Variants in LSM5 observed in about 807,000 individuals in gnomAD.
LSM5 encodes LSM5 homolog, U6 small nuclear RNA and mRNA degradation associated.
In LSM5, 8 loss-of-function variants were observed where a neutral mutation model predicts 13.8. The observed-to-expected ratio is 0.58, with a 90% CI of 0.34 to 1.04. The LOEUF is 1.04. Among genes scored for constraint, LSM5 ranks in the 50% least tolerant of loss-of-function variants. LSM5 has a pLI of 0.03. For missense variants in LSM5, 80 were observed against 108.1 expected (o/e 0.74, Z 1.15); for synonymous variants, 35 against 37.0 (o/e 0.95, Z 0.20).
At position 32,487,776 on chromosome 7, in the gene LSM5, T is replaced by C; in HGVS notation, c.171-19A>G. The C allele has an allele frequency of 8.0e-7, 1 of 1,242,758 alleles. No individual in the cohort carries two copies. The highest frequency in any genetic ancestry group is 1.2e-5 in the South Asian group (1 of 83,588). The allele number at this position is 1,242,758 out of a possible 1,614,324, so 77.0% of individuals were successfully genotyped here. ...GATTTCACTAAATGAATAGATAAAA[T>C]ACAGTCAGGACAAACAGTGAAAATC... On this transcript the variant is annotated intron_variant, in intron 3 of 4. Transcript: ENST00000450169.
upstream of LSM5, among the ~76,000 whole-genome samples, chr7:32,493,542 CTTTCTTTA>C (rs1786640384): frequency 2.8e-5 from 1 of 35,664 alleles, no homozygotes; most frequent in South Asian, 9.2e-4. Flanking sequence ...CTCTCTCTCC[CTTTCTTTA>C]TTTTTTTGAG....
intron 2 of LSM5, among the ~76,000 whole-genome samples, chr7:32,488,935 G>C (rs754557206): frequency 2.0e-5 from 3 of 152,090 alleles, no homozygotes; most frequent in African/African-American, 4.8e-5. Flanking sequence ...ATCTTGCCCA[G>C]GCTGGTCTCA....
chr7:32,491,737 G>C (rs1228323618), upstream of LSM5, among the ~76,000 whole-genome samples: 2 of 152,206 alleles, frequency 1.3e-5, no homozygotes, highest in African/African-American at 4.8e-5. Flanking sequence ...GGTCAGCATA[G>C]GACCTGGCAC....
Position 32,488,641 on chromosome 7 carries a change from C to G in LSM5, c.154G>C (p.Glu52Gln). ...ACTACTCACAACTCAGTGACATCTT[C>G]CAGTACCATATCTGAAATTTGGTGT... is the stretch of plus-strand genomic sequence containing the variant. Reference protein sequence around the residue: ...GFDDFVNMVLEDVTEFEITPE... With the variant: ...GFDDFVNMVLQDVTEFEITPE... The change falls in exon 3 of 5, where the codon GAA becomes CAA. Residue 52 changes from glutamate to glutamine, a missense_variant. Physicochemically the swap from Glu to Gln is conservative, Grantham distance 29. Coordinates refer to ENST00000450169, the MANE Select transcript of LSM5 (RefSeq NM_012322.3). 6.3e-7 allele frequency: 1 copy of G among 1,596,914 alleles called. No homozygotes were observed. Among genetic ancestry groups the G allele is most frequent in the East Asian group, 2.2e-5 (1 of 44,762 alleles).
At chr7:32,490,572 C>G (rs1208855542), upstream of LSM5, 7 of 597,610 alleles carry the variant, frequency 1.2e-5, no homozygotes, top group Non-Finnish European at 2.2e-5. Flanking sequence ...TTTACCATCT[C>G]GGCAGATACC....
Position 32,490,340 on chromosome 7 carries a change from G to A in LSM5, c.26C>T (p.Pro9Leu), listed in dbSNP as rs770060497. 4.3e-6 allele frequency: 7 copies of A among 1,614,126 alleles called. No individual in the cohort carries two copies. Among genetic ancestry groups the A allele is most frequent in the East Asian group, 2.2e-5 (1 of 44,876 alleles). The change falls in exon 1 of 5, where the codon CCG (proline) becomes CTG (leucine). Residue 9 changes from proline to leucine, a missense_variant. Coordinates refer to ENST00000450169, the MANE Select transcript of LSM5 (RefSeq NM_012322.3). ...ATTACCTAAGGGCAGCAGCTGCGAC[G>A]GGTTGGTAGTAGCGTTAGCCGCCAT... MAANATTN[P>L]SQLLPLELVD... is the part of the protein sequence containing the mutation.
intron 1 of LSM5, 178 bp downstream of exon 1, chr7:32,490,142 C>A: frequency 6.5e-7 from 1 of 1,541,566 alleles, no homozygotes; most frequent in Non-Finnish European, 8.8e-7. Context: ...TGGAGGAGCC[C>A]GACCACGTTA....
chr7:32,487,376 T>G, intron 4 of LSM5, 83 bp from the exon 5 acceptor site: 1 of 1,133,716 alleles, frequency 8.8e-7, no homozygotes, highest in Non-Finnish European at 1.3e-6. Flanking sequence ...AAGCCACCTT[T>G]GCCTGTCCCC....
chr7:32,489,590 C>T (rs1013132851), intron 1 of LSM5: 6 of 433,246 alleles, frequency 1.4e-5, no homozygotes, highest in African/African-American at 8.3e-5. Flanking sequence ...AGTTCAATCA[C>T]TCTTCACCAA....
At chr7:32,490,411 T>C (rs770876955), upstream of LSM5, 10 of 1,527,108 alleles carry the variant, frequency 6.5e-6, no homozygotes, top group Admixed American at 1.7e-4. Flanking sequence ...GGGACGACTT[T>C]GAAAAGCGCG....
chr7:32,487,512 G>GC (rs2128105797), intron 4 of LSM5, 173 bp downstream of exon 4: 16 of 667,174 alleles, frequency 2.4e-5, no homozygotes, highest in Middle Eastern at 2.4e-4. Flanking sequence ...TAGACCCAAT[G>GC]CCTCTTCAAT....
intron 3 of LSM5, chr7:32,488,071 G>T (rs1186182016): frequency 2.2e-5 from 7 of 318,096 alleles, no homozygotes; most frequent in Non-Finnish European, 4.1e-5. Flanking sequence ...TAAGAGACAG[G>T]GTCTTGCTCT....
upstream of LSM5, chr7:32,490,428 CT>C: frequency 1.3e-5 from 18 of 1,395,842 alleles, no homozygotes; most frequent in Non-Finnish European, 1.7e-5. Flanking sequence ...CGCGCTTCCG[CT>C]TTTTCCGCAG....
Position 32,488,718 on chromosome 7 carries a change from G to A in LSM5, c.143-66C>T, listed in dbSNP as rs1583462896. 2.6e-6 allele frequency: 3 copies of A among 1,169,918 alleles called. No individual in the cohort carries two copies. In the East Asian group the frequency reaches 7.1e-5, roughly 28 times the overall value. The allele number at this position is 1,169,918 out of a possible 1,614,324, so 72.5% of individuals were successfully genotyped here. On this transcript the variant is annotated intron_variant, in intron 2 of 4. Transcript: ENST00000450169. ...TAGCTTCTGCCTTTGTTCAGCTTTT[G>A]TTTTTTGTTTTTGTTTTTGTTTTGA... is the stretch of plus-strand genomic sequence containing the variant.
At chr7:32,493,681 A>T (rs1218943453), upstream of LSM5, among the ~76,000 whole-genome samples, 1 of 151,576 alleles carries the variant, frequency 6.6e-6, no homozygotes, top group African/African-American at 2.4e-5. Context: ...AGTAGCTGGG[A>T]TTACACACAC....
Position 32,485,708 on chromosome 7 carries a change from CAGG to C in LSM5, c.*1550_*1552del, listed in dbSNP as rs1204819197. ...CTGAGGCAGGTGGATCACTAGAGGT[CAGG>C]AGTTCAAGACCAGCCTGGCCAACAA... On this transcript the variant is annotated 3_prime_UTR_variant, in exon 5 of 5. Transcript: ENST00000450169. The C allele has an allele frequency of 6.6e-6, 1 of 152,086 alleles. No individual in the cohort carries two copies. Among genetic ancestry groups the C allele is most frequent in the Non-Finnish European group, 1.5e-5 (1 of 68,040 alleles). 9.4% of individuals were successfully genotyped at this position (152,086 alleles called of 1,614,324 possible).
At chr7:32,493,777 G>C (rs567059642), upstream of LSM5, among the ~76,000 whole-genome samples, 35 of 152,136 alleles carry the variant, frequency 2.3e-4, no homozygotes, top group South Asian at 7.1e-3. Context: ...TTGGCCTCAA[G>C]TGATCTGCCC....
chr7:32,493,857 C>T (rs866650587), upstream of LSM5, among the ~76,000 whole-genome samples: 5 of 141,762 alleles, frequency 3.5e-5, no homozygotes, highest in Non-Finnish European at 6.2e-5. Context: ...TTATATATAT[C>T]TTTTTTTTTT....
In LSM5 at chr7:32,486,800, C is replaced by T. The variant is rs1786458351; in HGVS notation, c.*461G>A. 1 of 171,832 alleles carries T rather than the reference C, an allele frequency of 5.8e-6. No individual in the cohort carries two copies. The highest frequency in any genetic ancestry group is 2.4e-5 in the African/African-American group (1 of 41,536). The allele number at this position is 171,832 out of a possible 1,614,324, so 10.6% of individuals were successfully genotyped here. On this transcript the variant is annotated 3_prime_UTR_variant, in exon 5 of 5. Transcript: ENST00000450169. Reference sequence around the variant, plus strand: ...TGGAATTTGAAATCAGAAGAAAAATCCTCATTACAAAACAACAGCATTTTA... The same window carrying T: ...TGGAATTTGAAATCAGAAGAAAAATTCTCATTACAAAACAACAGCATTTTA...
Sources: gnomAD v4.1 joint callset for allele counts (sites outside exome capture counted in the v4.1 genomes callset) on GRCh38, gnomAD v4.1.1 for gene constraint, MANE v1.5 for transcripts, NCBI Gene and HGNC (gene_info 2026-07-23, HGNC 2026-07-21) for gene names.